The following ATG4B variants were observed in gnomAD, a reference collection of about 807,000 sequenced individuals.
ATG4B encodes the protein autophagy related 4B cysteine peptidase, also known as cysteine protease ATG4B.
A neutral mutation model predicts 56.6 loss-of-function variants in ATG4B; 29 were observed. The observed-to-expected ratio is 0.51, with a 90% CI of 0.38 to 0.70. The LOEUF (loss-of-function observed/expected upper bound fraction) is 0.70, where lower values mean the gene tolerates loss of function less well. Ranked by LOEUF, ATG4B falls within the 30% of genes least tolerant of loss-of-function variation. ATG4B has a pLI of 0.00. For synonymous variants in ATG4B, 224 were observed against 206.1 expected, an observed-to-expected ratio of 1.09 and a Z score of -0.74; for missense variants, 461 against 515.5, an observed-to-expected ratio of 0.89 and a Z score of 1.02.
chr2:241,668,254 G>C lies in ATG4B; in HGVS notation c.811+33G>C. The C allele has an allele frequency of 6.4e-7, 1 of 1,563,522 alleles. No homozygotes were observed. Among genetic ancestry groups the C allele is most frequent in the Non-Finnish European group, 8.7e-7 (1 of 1,153,906 alleles). On this transcript the variant is annotated intron_variant, in intron 9 of 12. Coordinates refer to ENST00000404914, the MANE Select transcript of ATG4B (RefSeq NM_013325.5). This position sits in a 1 kb window ranked among gnomAD's most constrained non-coding sequence, Gnocchi z 4.2. ...CAGGGTTCCCACCGTGTCCCTGTGG[G>C]CCTGGGCCTTTTAAGGGCATTCCAT... is the stretch of plus-strand genomic sequence containing the variant.
intron 7 of ATG4B, among the ~76,000 whole-genome samples, chr2:241,661,335 G>C (rs2068587636): frequency 6.6e-6 from 1 of 152,204 alleles, no homozygotes; most frequent in Non-Finnish European, 1.5e-5. Context: ...ACAAGGCTTG[G>C]GTTTCTGGGT....
In ATG4B at chr2:241,651,373, T is replaced by A. The variant is rs1331594250; in HGVS notation, c.184+38T>A. On this transcript the variant is annotated intron_variant, in intron 3 of 12. Coordinates refer to ENST00000404914, the MANE Select transcript of ATG4B (RefSeq NM_013325.5). The surrounding 1 kb of genome is among the most constrained non-coding windows in gnomAD (Gnocchi z 4.1). ...TTTTATTACAACGCGGGACAAAATA[T>A]GTTTTTAGGAAGGAGGAAAACTTAC... The A allele has an allele frequency of 6.8e-7, 1 of 1,480,054 alleles. No homozygotes were observed. The highest frequency in any genetic ancestry group is 9.2e-7 in the Non-Finnish European group (1 of 1,088,832). 91.7% of individuals were successfully genotyped at this position (1,480,054 alleles called of 1,614,324 possible). A position where few individuals can be genotyped will look rare whatever the true frequency, so the allele number is the denominator to read the frequency against.
intron 1 of ATG4B, 174 bp downstream of exon 1, chr2:241,637,898 G>GGGGT: frequency 2.3e-6 from 1 of 440,870 alleles, no homozygotes. Context: ...GTGGTGGGCG[G>GGGGT]TGGGAGCGGG....
chr2:241,660,135 A>T (rs1340938466), intron 7 of ATG4B, among the ~76,000 whole-genome samples: 1 of 152,196 alleles, frequency 6.6e-6, no homozygotes, highest in Non-Finnish European at 1.5e-5. Context: ...GGTTGCAGTG[A>T]GCCTTGATCA....
chr2:241,650,967 A>G (rs1180151735), intron 1 of ATG4B, 43 bp from the exon 2 acceptor site: 1 of 1,520,642 alleles, frequency 6.6e-7, no homozygotes, highest in Middle Eastern at 1.7e-4. Context: ...CTAGTTTATG[A>G]AATTATAAGT....
chr2:241,656,905 C>G (rs1426158713), intron 6 of ATG4B, among the ~76,000 whole-genome samples: 1 of 152,266 alleles, frequency 6.6e-6, no homozygotes, highest in African/African-American at 2.4e-5. Flanking sequence ...AAGTGATTCT[C>G]CTGCCTCAGC....
rs542823933 is a variant in ATG4B at position 241,668,778 on chromosome 2, T to C, written c.957+93T>C. ...CTTTCGGATTTTTGCGTTTTTTTTT[T>C]CAGCATGTTGGGATAAGTACTGTGT... On this transcript the variant is annotated intron_variant, in intron 10 of 12. Coordinates refer to ENST00000404914, the MANE Select transcript of ATG4B (RefSeq NM_013325.5). The surrounding 1 kb of genome is among the most constrained non-coding windows in gnomAD (Gnocchi z 4.2). 3.6e-5 allele frequency: 54 copies of C among 1,496,156 alleles called. 1 individual carries two copies. Among genetic ancestry groups the C allele is most frequent in the South Asian group, 2.2e-4 (17 of 78,544 alleles). The allele number at this position is 1,496,156 out of a possible 1,614,324, so 92.7% of individuals were successfully genotyped here. A position where few individuals can be genotyped will look rare whatever the true frequency, so the allele number is the denominator to read the frequency against.
rs1351397004 is a variant in ATG4B, at chr2:241,642,871, CCTTTTTT to C, written c.10+5148_10+5154del. On this transcript the variant is annotated intron_variant, in intron 1 of 12. Transcript: ENST00000404914. ...CTTAAGGTGTACAGCACCTCTCCGT[CCTTTTTT>C]TTTTTTTTTTTTTTTTTTTTAAGAC... Among the ~76,000 whole-genome samples, 86 of 98,428 alleles carry C rather than the reference CCTTTTTT, an allele frequency of 8.7e-4. 9 individuals are homozygous for C. The highest frequency in any genetic ancestry group is 3.4e-3 in the East Asian group (9 of 2,668). The allele number at this position is 98,428 out of a possible 152,430, so 64.6% of individuals were successfully genotyped here. A position where few individuals can be genotyped will look rare whatever the true frequency, so the allele number is the denominator to read the frequency against.
chr2:241,654,370 G>A lies in ATG4B; in HGVS notation c.284-176G>A, dbSNP rs543310612. The stretch of plus-strand genomic sequence containing the variant: ...CGGGAGGTGGAGGTTGCAGTGAGCC[G>A]AGATCACGCCATTGCACTCCATCCT... On this transcript the variant is annotated intron_variant, in intron 4 of 12. Coordinates refer to ENST00000404914, the MANE Select transcript of ATG4B (RefSeq NM_013325.5). 8.9e-5 allele frequency among the ~76,000 whole-genome samples: 13 copies of A among 146,508 alleles called. 1 individual carries two copies. The highest frequency in any genetic ancestry group is 8.1e-4 in the East Asian group (4 of 4,932).
chr2:241,647,684 T>C (rs1268459249), intron 1 of ATG4B, among the ~76,000 whole-genome samples: 1 of 151,842 alleles, frequency 6.6e-6, no homozygotes, highest in Non-Finnish European at 1.5e-5. Flanking sequence ...CCTTTTTCCT[T>C]GAGAATAAGT....
chr2:241,668,879 CA>C lies in ATG4B; in HGVS notation c.957+195del. ...ACCCTCACGTCCCTCCCCCAGGCAC[CA>C]CCTCCTGTGCAGCCTTCATGGCCTT... On this transcript the variant is annotated intron_variant, in intron 10 of 12. Transcript: ENST00000404914. The surrounding 1 kb of genome is among the most constrained non-coding windows in gnomAD (Gnocchi z 4.2). The C allele has an allele frequency of 2.6e-6, 2 of 758,558 alleles. No individual in the cohort carries two copies. Among genetic ancestry groups the C allele is most frequent in the South Asian group, 3.7e-5 (2 of 53,438 alleles). The allele number at this position is 758,558 out of a possible 1,614,324, so 47.0% of individuals were successfully genotyped here. A position where few individuals can be genotyped will look rare whatever the true frequency, so the allele number is the denominator to read the frequency against.
intron 4 of ATG4B, 113 bp downstream of exon 4, chr2:241,653,723 T>C (rs2068293664): frequency 1.1e-6 from 1 of 901,744 alleles, no homozygotes; most frequent in Admixed American, 3.1e-5. Flanking sequence ...AAGTAGAACT[T>C]GGGGGTTTCT....
intron 1 of ATG4B, chr2:241,638,393 A>T (rs2067755469): frequency 6.6e-6 from 1 of 151,474 alleles, no homozygotes; most frequent in Non-Finnish European, 1.5e-5. Flanking sequence ...GTGTATAGGG[A>T]GTGTTGGTTT....
chr2:241,661,201 G>A (rs900858638), intron 7 of ATG4B, among the ~76,000 whole-genome samples: 2 of 152,206 alleles, frequency 1.3e-5, no homozygotes, highest in African/African-American at 4.8e-5. Flanking sequence ...GACTGGCTTC[G>A]TCTCACTGCG....
At chr2:241,659,040 T>C in intron 6 of ATG4B, 68 bp from the exon 7 acceptor site, 1 of 1,291,486 alleles carries the variant, frequency 7.7e-7, no homozygotes, top group Non-Finnish European at 1.1e-6. Flanking sequence ...TTCGCGCAGC[T>C]ATAGCTGCAA....
At chr2:241,637,781 C>T (rs1046534066) in intron 1 of ATG4B, 57 bp downstream of exon 1, 8 of 1,509,256 alleles carry the variant, frequency 5.3e-6, no homozygotes, top group Non-Finnish European at 6.2e-6. Context: ...TATCATTGGC[C>T]TCCCCTGCTC....
At position 241,668,959 on chromosome 2, in the gene ATG4B, AGT is replaced by A. The variant is rs2068867983; in HGVS notation, c.957+278_957+279del. On this transcript the variant is annotated intron_variant, in intron 10 of 12. Transcript: ENST00000404914. The surrounding 1 kb of genome is among the most constrained non-coding windows in gnomAD (Gnocchi z 4.2). Reference sequence around the variant, plus strand: ...TGTGAGCGTGTGTGGGCGCGTGCTGAGTGTGCATGGATGAGTGTGAGCCATGG... The same window carrying A: ...TGTGAGCGTGTGTGGGCGCGTGCTGAGTGCATGGATGAGTGTGAGCCATGG... 6.1e-6 allele frequency: 3 copies of A among 488,110 alleles called. No homozygotes were observed. The highest frequency in any genetic ancestry group is 1.1e-5 in the Non-Finnish European group (3 of 274,878). The allele number at this position is 488,110 out of a possible 1,614,324, so 30.2% of individuals were successfully genotyped here.
chr2:241,647,262 G>A (rs999465359), intron 1 of ATG4B, among the ~76,000 whole-genome samples: 1 of 148,138 alleles, frequency 6.8e-6, no homozygotes, highest in Non-Finnish European at 1.5e-5. Flanking sequence ...CCTTGGAACG[G>A]TGTCAAACAT....
At chr2:241,665,348 C>T (rs933245785) in intron 7 of ATG4B, among the ~76,000 whole-genome samples, 1 of 152,218 alleles carries the variant, frequency 6.6e-6, no homozygotes, top group Non-Finnish European at 1.5e-5. Context: ...CGCCACGACT[C>T]ACCAGGGTCC....
Sources: allele counts gnomAD v4.1 joint callset (sites outside exome capture counted in the v4.1 genomes callset), GRCh38; gene constraint gnomAD v4.1.1; non-coding constraint Gnocchi (gnomAD v3.1); transcripts MANE v1.5; gene names NCBI Gene and HGNC (gene_info 2026-07-23, HGNC 2026-07-21).